Variants in EXOC4 observed in about 807,000 individuals in gnomAD.
EXOC4 encodes exocyst complex component 4, also known as SEC8-like 1.
A neutral mutation model predicts 107.2 loss-of-function variants in EXOC4; 71 were observed. The ratio of observed to expected loss-of-function variants is 0.66; its 90% CI spans 0.55 to 0.81. The LOEUF is 0.81. Among genes scored for constraint, EXOC4 ranks in the 30% least tolerant of loss-of-function variants. EXOC4 has a pLI of 0.00. For missense variants in EXOC4, 1,108 were observed against 1,189.6 expected (o/e 0.93, Z 1.01); for synonymous variants, 456 against 441.2 (o/e 1.03, Z -0.42).
intron 15 of EXOC4, among the ~76,000 whole-genome samples, chr7:134,001,329 C>T (rs915408459): frequency 5.1e-4 from 78 of 152,262 alleles, no homozygotes; most frequent in Non-Finnish European, 1.0e-3. Flanking sequence ...CTCTGAAAAT[C>T]ATCCACCCCA....
chr7:133,458,433 A>G (rs558570813), intron 7 of EXOC4, among the ~76,000 whole-genome samples: 1 of 152,168 alleles, frequency 6.6e-6, no homozygotes, highest in Non-Finnish European at 1.5e-5. Flanking sequence ...TGTCATATTC[A>G]TTTGTCAACA....
chr7:133,819,124 G>A (rs1797447099), intron 11 of EXOC4, among the ~76,000 whole-genome samples: 2 of 152,110 alleles, frequency 1.3e-5, no homozygotes, highest in Non-Finnish European at 2.9e-5. Flanking sequence ...CTCTGGCAAT[G>A]TCATTTCTTC....
At chr7:134,097,332 A>T in the EXOC4 span, among the ~76,000 whole-genome samples, 2 of 151,952 alleles carry the variant, frequency 1.3e-5, no homozygotes, top group East Asian at 3.9e-4. Context: ...GCTAAACATT[A>T]CCCAATTTAA....
chr7:133,283,410 A>G (rs937791836), intron 2 of EXOC4, among the ~76,000 whole-genome samples: 1 of 152,178 alleles, frequency 6.6e-6, no homozygotes, highest in South Asian at 2.1e-4. Context: ...ATGGTATTCC[A>G]TTGTGCTTAT....
chr7:133,882,835 CCT>C (rs1798994037), intron 11 of EXOC4, among the ~76,000 whole-genome samples: 1 of 152,084 alleles, frequency 6.6e-6, no homozygotes, highest in Non-Finnish European at 1.5e-5. Flanking sequence ...TCATTAAGGG[CCT>C]TATGAGTTAT....
At chr7:133,943,607 T>C (rs1800482535) in intron 14 of EXOC4, among the ~76,000 whole-genome samples, 1 of 152,180 alleles carries the variant, frequency 6.6e-6, no homozygotes, top group African/African-American at 2.4e-5. Context: ...CCCAATGCTA[T>C]ATTTATGTAA....
intron 10 of EXOC4, among the ~76,000 whole-genome samples, chr7:133,774,017 G>C (rs928196341): frequency 2.0e-5 from 3 of 152,060 alleles, no homozygotes; most frequent in Non-Finnish European, 4.4e-5. Context: ...AAAACACGTA[G>C]CTGGGATTAA....
chr7:133,853,438 C>G (rs902584933), intron 11 of EXOC4, among the ~76,000 whole-genome samples: 2 of 150,354 alleles, frequency 1.3e-5, no homozygotes, highest in African/African-American at 4.9e-5. Flanking sequence ...ATTATGTTGC[C>G]CAGGCTGGTC....
chr7:133,933,517 G>A (rs1156485712), intron 13 of EXOC4, among the ~76,000 whole-genome samples: 2 of 152,126 alleles, frequency 1.3e-5, no homozygotes, highest in African/African-American at 2.4e-5. Flanking sequence ...TGAAGACAAT[G>A]TTAATTTGCT....
Position 133,275,093 on chromosome 7 carries a change from C to T in EXOC4, c.198C>T (p.Tyr66=), listed in dbSNP as rs753814143. The change falls in exon 2 of 18, where the codon TAC becomes TAT. Residue 66 remains tyrosine, a synonymous_variant. Coordinates refer to ENST00000253861, the MANE Select transcript of EXOC4 (RefSeq NM_021807.4). ...RDLDELIVQH[Y]TELTTAIRTY... ...TGGATGAATTGATTGTACAGCACTACACAGAATTGACGACAGCCATTCGCA... is the reference window on the plus strand; with the variant it reads ...TGGATGAATTGATTGTACAGCACTATACAGAATTGACGACAGCCATTCGCA... 18 of 1,613,758 alleles carry T rather than the reference C, an allele frequency of 1.1e-5. No individual in the cohort carries two copies. The highest frequency in any genetic ancestry group is 1.4e-5 in the Non-Finnish European group (17 of 1,179,744).
At chr7:133,563,203 G>A (rs1207357100) in intron 9 of EXOC4, among the ~76,000 whole-genome samples, 3 of 152,154 alleles carry the variant, frequency 2.0e-5, no homozygotes, top group Admixed American at 6.5e-5. Context: ...GAAATTGAAA[G>A]AGACTGAAGT....
At position 133,917,622 on chromosome 7, in the gene EXOC4, A is replaced by G. The variant is rs748072434; in HGVS notation, c.1911A>G (p.Ala637=). ...VQSEEKLVIS[A]SWAKDDDISR... is the part of the protein sequence containing the mutation. ...CAGAAGAAAAACTTGTCATCAGTGC[A>G]TCCTGGGCAAAAGATGATGATATCA... The change falls in exon 13 of 18, where the codon GCA becomes GCG. Residue 637 remains alanine (A), a synonymous_variant. Coordinates refer to ENST00000253861, the MANE Select transcript of EXOC4 (RefSeq NM_021807.4). 4.3e-5 allele frequency: 70 copies of G among 1,614,000 alleles called. No homozygotes were observed. Among genetic ancestry groups the G allele is most frequent in the Non-Finnish European group, 5.6e-5 (66 of 1,180,008 alleles).
Position 134,017,008 on chromosome 7 carries a change from A to G in EXOC4, c.2687+9173A>G, listed in dbSNP as rs900369134. 4.6e-5 allele frequency among the ~76,000 whole-genome samples: 7 copies of G among 152,168 alleles called. 1 individual carries two copies. The highest frequency in any genetic ancestry group is 5.9e-5 in the Non-Finnish European group (4 of 68,028). On this transcript the variant is annotated intron_variant, in intron 17 of 17. Coordinates refer to ENST00000253861, the MANE Select transcript of EXOC4 (RefSeq NM_021807.4). ...TTGGCTTGAAAATGTGAAATGCCCC[A>G]CCTATCAAATAAAAATTTATCTGAC... is the stretch of plus-strand genomic sequence containing the variant.
intron 11 of EXOC4, among the ~76,000 whole-genome samples, chr7:133,845,439 A>G (rs1304722035): frequency 1.3e-5 from 2 of 148,444 alleles, no homozygotes; most frequent in African/African-American, 2.5e-5. Flanking sequence ...TACTAGATAT[A>G]TAAGATATAT....
chr7:133,557,331 A>G (rs1012387419), intron 9 of EXOC4, among the ~76,000 whole-genome samples: 1 of 151,618 alleles, frequency 6.6e-6, no homozygotes, highest in African/African-American at 2.4e-5. Flanking sequence ...TATACTCTAT[A>G]TTTCAGTTTT....
Position 133,605,441 on chromosome 7 carries a change from C to T in EXOC4, c.1418-24604C>T, listed in dbSNP as rs1353907548. ...CCCACAGCCGCTGGCAACCACTAAT[C>T]TATTTTCTGTCTCTATGGATTTGCC... On this transcript the variant is annotated intron_variant, in intron 9 of 17. Transcript: ENST00000253861. Among the ~76,000 whole-genome samples, 3 of 152,244 alleles carry T rather than the reference C, an allele frequency of 2.0e-5. No homozygotes were observed. The East Asian group carries it at 5.8e-4, about 29-fold the overall frequency.
intron 17 of EXOC4, among the ~76,000 whole-genome samples, chr7:134,025,066 T>C (rs1316237251): frequency 1.3e-5 from 2 of 152,234 alleles, no homozygotes; most frequent in East Asian, 3.8e-4. Flanking sequence ...TTCTCCAGCC[T>C]TCCTGGCTCA....
the EXOC4 span, among the ~76,000 whole-genome samples, chr7:134,082,556 TC>T: frequency 6.6e-6 from 1 of 152,218 alleles, no homozygotes. Flanking sequence ...TTCTCCTGCC[TC>T]AGCCTCCAGA....
At chr7:133,755,243 AATAT>A (rs796906792) in intron 10 of EXOC4, among the ~76,000 whole-genome samples, 32 of 91,068 alleles carry the variant, frequency 3.5e-4, no homozygotes, top group African/African-American at 1.5e-3. Flanking sequence ...TAATATATAT[AATAT>A]ATATATTATA....
Sources: gnomAD v4.1 joint callset for allele counts (sites outside exome capture counted in the v4.1 genomes callset) on GRCh38, gnomAD v4.1.1 for gene constraint, MANE v1.5 for transcripts, NCBI Gene and HGNC (gene_info 2026-07-23, HGNC 2026-07-21) for gene names.